ZNF91: variants seen among roughly 807,000 people sequenced by gnomAD.
The protein encoded by ZNF91 is zinc finger protein 91.
In ZNF91, 7 loss-of-function variants were observed where a neutral mutation model predicts 12.6. The observed-to-expected ratio is 0.55, with a 90% CI of 0.31 to 1.04. The LOEUF (loss-of-function observed/expected upper bound fraction) is 1.04, where lower values mean the gene tolerates loss of function less well. Among genes scored for constraint, ZNF91 ranks in the 50% least tolerant of loss-of-function variants. The pLI, the probability that ZNF91 is intolerant of heterozygous loss-of-function variation, is 0.05. For missense variants in ZNF91, 1,217 were observed against 1,385.4 expected (o/e 0.88, Z 1.93); for synonymous variants, 453 against 462.6 (o/e 0.98, Z 0.27).
intron 1 of ZNF91, among the ~76,000 whole-genome samples, chr19:23,392,743 G>A (rs1970107126): frequency 6.6e-6 from 1 of 151,828 alleles, no homozygotes; most frequent in African/African-American, 2.4e-5. Flanking sequence ...AGGTTGCAGT[G>A]AGCTGAGATC....
At chr19:23,376,615 C>T (rs1226070290) in intron 1 of ZNF91, among the ~76,000 whole-genome samples, 3 of 152,070 alleles carry the variant, frequency 2.0e-5, no homozygotes, top group Admixed American at 2.0e-4. Context: ...TCTCAAACTG[C>T]CAACCTCAGG....
Position 23,373,841 on chromosome 19 carries a change from T to C in ZNF91, c.158-4A>G. The C allele has an allele frequency of 6.3e-7, 1 of 1,594,458 alleles. No individual in the cohort carries two copies. The highest frequency in any genetic ancestry group is 8.5e-7 in the Non-Finnish European group (1 of 1,170,310). ...TCTGGCTTAGAGAGAGCAATACCTG[T>C]TTTATTAAAAATAACTAACATGAGT... On this transcript the variant is annotated splice_polypyrimidine_tract_variant and splice_region_variant and intron_variant, in intron 2 of 3. Transcript: ENST00000300619.
chr19:23,371,957 A>G (rs1387185880), intron 3 of ZNF91, among the ~76,000 whole-genome samples: 1 of 152,228 alleles, frequency 6.6e-6, no homozygotes, highest in African/African-American at 2.4e-5. Flanking sequence ...TTGCTAAATT[A>G]TGTATATATT....
At chr19:23,354,134 G>A (rs779039708), downstream of ZNF91, among the ~76,000 whole-genome samples, 18 of 152,038 alleles carry the variant, frequency 1.2e-4, no homozygotes, top group Non-Finnish European at 2.4e-4. Context: ...GAAAAGACAC[G>A]ACCAAAGAAG....
chr19:23,369,402 C>G (rs1378109985), intron 3 of ZNF91, among the ~76,000 whole-genome samples: 3 of 151,800 alleles, frequency 2.0e-5, no homozygotes, highest in Admixed American at 6.6e-5. Flanking sequence ...TGCGCCTCCG[C>G]CCGGCCGCTG....
At chr19:23,352,447 C>T (rs1032156421) in intron 3 of ZNF91, among the ~76,000 whole-genome samples, 2 of 152,096 alleles carry the variant, frequency 1.3e-5, no homozygotes, top group Admixed American at 1.3e-4. Flanking sequence ...ATGATTCTTC[C>T]CTACCCAACC....
chr19:23,386,175 G>C (rs1330941429), intron 1 of ZNF91, among the ~76,000 whole-genome samples: 1 of 151,866 alleles, frequency 6.6e-6, no homozygotes, highest in African/African-American at 2.4e-5. Flanking sequence ...GGCACAAATG[G>C]AAAACAACTT....
At chr19:23,351,810 G>A (rs1264017630) in intron 3 of ZNF91, among the ~76,000 whole-genome samples, 2 of 152,128 alleles carry the variant, frequency 1.3e-5, no homozygotes, top group African/African-American at 4.8e-5. Flanking sequence ...TGCCCCAACT[G>A]CAGAAATGGG....
rs143542353 is a variant in ZNF91, at chr19:23,376,681, G to C, written c.31-1917C>G. ...TGGGATTACAGACGTGAGCCACCAC[G>C]CCTGGCCTATCATAAGCATTTTTAA... On this transcript the variant is annotated intron_variant, in intron 1 of 3. Transcript: ENST00000300619. Among the ~76,000 whole-genome samples, 1,519 of 152,114 alleles carry C rather than the reference G, an allele frequency of 1.0e-2. 35 individuals carry two copies. Among genetic ancestry groups the C allele is most frequent in the African/African-American group, 0.035 (1,441 of 41,500 alleles).
chr19:23,336,897 A>G (rs1968020527), downstream of ZNF91, among the ~76,000 whole-genome samples: 3 of 152,128 alleles, frequency 2.0e-5, no homozygotes, highest in South Asian at 6.2e-4. Context: ...TAACTCCTGT[A>G]TCAATAATAG....
At chr19:23,368,956 A>G in intron 3 of ZNF91, among the ~76,000 whole-genome samples, 1 of 152,130 alleles carries the variant, frequency 6.6e-6, no homozygotes, top group Non-Finnish European at 1.5e-5. Flanking sequence ...ATCCCCTCAC[A>G]CCCACTTAAA....
At chr19:23,306,044 A>G (rs573232221) in intron 3 of ZNF91, among the ~76,000 whole-genome samples, 1 of 152,374 alleles carries the variant, frequency 6.6e-6, no homozygotes, top group Admixed American at 6.5e-5. Context: ...ACATATTTAC[A>G]TAGAAATACT....
At chr19:23,376,523 G>A (rs765019246) in intron 1 of ZNF91, among the ~76,000 whole-genome samples, 1 of 151,964 alleles carries the variant, frequency 6.6e-6, no homozygotes, top group Non-Finnish European at 1.5e-5. Flanking sequence ...CCGAGTAGCT[G>A]TGATTACAGG....
At chr19:23,342,751 G>C (rs763971557) in intron 3 of ZNF91, among the ~76,000 whole-genome samples, 2 of 151,378 alleles carry the variant, frequency 1.3e-5, no homozygotes, top group South Asian at 2.1e-4. Flanking sequence ...AGAAAATCTG[G>C]GGTATATTTA....
chr19:23,311,450 C>T (rs1436233285), upstream of ZNF91, among the ~76,000 whole-genome samples: 4 of 152,164 alleles, frequency 2.6e-5, no homozygotes, highest in East Asian at 3.9e-4. Flanking sequence ...CCTCTTCTGC[C>T]GGTCTTGCCA....
intron 1 of ZNF91, among the ~76,000 whole-genome samples, chr19:23,317,667 C>T (rs1480608206): frequency 2.6e-5 from 4 of 152,028 alleles, no homozygotes; most frequent in South Asian, 2.1e-4. Flanking sequence ...TGGAGGCAGT[C>T]GAAACTTGAA....
chr19:23,360,268 T>C lies in ZNF91; in HGVS notation c.2711A>G (p.His904Arg). ...ACATTTGTAGGTTTTCTCTCTGGTA[T>C]GAATTCTCTTATGTTCAGTAAGGGT... ...SSTLTEHKRI[H>R]TREKTYKCEE... is the part of the protein sequence containing the mutation. Residue 904 changes from histidine to arginine, a missense_variant, in exon 4 of 4, where the codon CAT becomes CGT. Physicochemically the swap from His to Arg is conservative, Grantham distance 29. This residue lies in a region of ZNF91 where 491 missense variants were observed against 489.8 expected (regional missense o/e 1.00). Coordinates refer to ENST00000300619, the MANE Select transcript of ZNF91 (RefSeq NM_003430.4). 2 of 1,613,884 alleles carry C rather than the reference T, an allele frequency of 1.2e-6. No homozygotes were observed. The highest frequency in any genetic ancestry group is 2.7e-5 in the African/African-American group (2 of 75,028).
chr19:23,372,720 G>A (rs1969335335), intron 3 of ZNF91, among the ~76,000 whole-genome samples: 1 of 152,210 alleles, frequency 6.6e-6, no homozygotes. Flanking sequence ...CAGCAGGCCT[G>A]CAGACTTTGG....
chr19:23,385,042 TG>T, intron 1 of ZNF91: 1 of 1,202,760 alleles, frequency 8.3e-7, no homozygotes, highest in Non-Finnish European at 1.2e-6. Flanking sequence ...AGACACCTCA[TG>T]GGGCTCCAGC....
Sources: allele counts gnomAD v4.1 joint callset (sites outside exome capture counted in the v4.1 genomes callset), GRCh38; gene constraint gnomAD v4.1.1; regional missense constraint gnomAD v4.1.1; transcripts MANE v1.5; gene names NCBI Gene and HGNC (gene_info 2026-07-23, HGNC 2026-07-21).